The following LRRC49 variants were observed in gnomAD, a reference collection of about 807,000 sequenced individuals.
LRRC49 encodes the protein leucine-rich repeat-containing protein 49.
In LRRC49, 50 loss-of-function variants were observed where a neutral mutation model predicts 83.3. The ratio of observed to expected loss-of-function variants is 0.60; its 90% CI spans 0.48 to 0.76. The LOEUF (loss-of-function observed/expected upper bound fraction) is 0.76, where lower values mean the gene tolerates loss of function less well. Ranked by LOEUF, LRRC49 falls within the 30% of genes least tolerant of loss-of-function variation. The pLI is 0.00. For missense variants in LRRC49, 704 were observed against 809.1 expected, an observed-to-expected ratio of 0.87 and a Z score of 1.58; for synonymous variants, 286 against 283.3, an observed-to-expected ratio of 1.01 and a Z score of -0.10.
At chr15:70,875,288 T>C (rs775134885) in intron 2 of LRRC49, among the ~76,000 whole-genome samples, 1 of 152,094 alleles carries the variant, frequency 6.6e-6, no homozygotes, top group Non-Finnish European at 1.5e-5. Flanking sequence ...AACTATTGAC[T>C]AAAATGAGAG....
chr15:70,935,195 G>C (rs976319769), intron 7 of LRRC49, among the ~76,000 whole-genome samples: 41 of 152,186 alleles, frequency 2.7e-4, no homozygotes, highest in Non-Finnish European at 1.5e-4. Flanking sequence ...CACATCTGTG[G>C]AATAGGCTTC....
At chr15:70,893,515 T>G in intron 1 of LRRC49, 69 bp from the exon 2 acceptor site, 1 of 81,996 alleles carries the variant, frequency 1.2e-5, no homozygotes, top group South Asian at 3.3e-4. Flanking sequence ...TGTTTGTACC[T>G]TTTTTTTTTT....
intron 15 of LRRC49, among the ~76,000 whole-genome samples, chr15:71,039,799 G>T (rs916586920): frequency 2.6e-5 from 4 of 152,128 alleles, no homozygotes; most frequent in African/African-American, 7.2e-5. Flanking sequence ...ATATCGAAAA[G>T]CTGCATTCAA....
At chr15:70,915,536 C>T (rs1430052503) in intron 6 of LRRC49, among the ~76,000 whole-genome samples, 1 of 152,090 alleles carries the variant, frequency 6.6e-6, no homozygotes, top group Admixed American at 6.5e-5. Context: ...TATTGTTTGT[C>T]TTCCATCTCT....
At chr15:70,990,646 C>T (rs2037840448) in intron 11 of LRRC49, among the ~76,000 whole-genome samples, 1 of 152,210 alleles carries the variant, frequency 6.6e-6, no homozygotes, top group Non-Finnish European at 1.5e-5. Flanking sequence ...ACCCACTGTC[C>T]TGCGCCCACT....
intron 14 of LRRC49, among the ~76,000 whole-genome samples, chr15:71,034,824 A>T (rs1362607856): frequency 6.6e-6 from 1 of 152,208 alleles, no homozygotes; most frequent in Non-Finnish European, 1.5e-5. Context: ...GTTCTCACTT[A>T]TAAGTGGGAG....
At chr15:70,899,483 G>A (rs2033978191) in intron 3 of LRRC49, among the ~76,000 whole-genome samples, 1 of 152,018 alleles carries the variant, frequency 6.6e-6, no homozygotes, top group South Asian at 2.1e-4. Context: ...GGTCATGCCA[G>A]AAAATCAGTT....
intron 14 of LRRC49, among the ~76,000 whole-genome samples, chr15:71,033,856 C>T (rs1396939386): frequency 2.0e-5 from 3 of 152,064 alleles, no homozygotes; most frequent in Admixed American, 1.3e-4. Context: ...TGAAACTGGA[C>T]CCCTTCCTTA....
chr15:70,922,438 C>A (rs928052114), intron 7 of LRRC49, among the ~76,000 whole-genome samples: 1 of 152,034 alleles, frequency 6.6e-6, no homozygotes, highest in African/African-American at 2.4e-5. Context: ...AAACACATAT[C>A]GCATGTTCTC....
chr15:71,048,629 A>T, intron 15 of LRRC49: 1 of 378,212 alleles, frequency 2.6e-6, no homozygotes, highest in Non-Finnish European at 5.2e-6. Flanking sequence ...CCTTGATACT[A>T]TTCAGAAGTA....
chr15:71,005,261 T>C (rs762579867), intron 11 of LRRC49, among the ~76,000 whole-genome samples: 5 of 152,118 alleles, frequency 3.3e-5, no homozygotes, highest in South Asian at 2.1e-4. Flanking sequence ...CTTTTTAAAA[T>C]TGACTTTTCC....
At chr15:70,862,757 T>G (rs2032823866) in intron 1 of LRRC49, among the ~76,000 whole-genome samples, 1 of 152,096 alleles carries the variant, frequency 6.6e-6, no homozygotes, top group Admixed American at 6.6e-5. Flanking sequence ...TTCAGGTTCC[T>G]CCCAACAGGT....
intron 14 of LRRC49, among the ~76,000 whole-genome samples, chr15:71,020,074 T>C (rs1213111826): frequency 2.0e-5 from 3 of 152,148 alleles, no homozygotes; most frequent in South Asian, 2.1e-4. Context: ...ATATACAAGA[T>C]AAGCATGAAA....
chr15:70,984,835 T>G (rs1207497470), intron 11 of LRRC49, among the ~76,000 whole-genome samples: 1 of 144,854 alleles, frequency 6.9e-6, no homozygotes, highest in Non-Finnish European at 1.5e-5. Flanking sequence ...TGTGTCCATG[T>G]GTTCTCATTG....
intron 1 of LRRC49, among the ~76,000 whole-genome samples, chr15:70,865,554 G>A (rs1239295365): frequency 6.6e-6 from 1 of 152,158 alleles, no homozygotes; most frequent in Admixed American, 6.5e-5. Context: ...TGATGTTTAT[G>A]TCCTTCTAAT....
At chr15:70,962,838 C>T (rs1241870981) in intron 8 of LRRC49, among the ~76,000 whole-genome samples, 1 of 152,008 alleles carries the variant, frequency 6.6e-6, no homozygotes, top group African/African-American at 2.4e-5. Context: ...ATGGTGACTT[C>T]CTTACAAATA....
At chr15:70,995,025 G>C (rs904255093) in intron 11 of LRRC49, among the ~76,000 whole-genome samples, 1 of 152,158 alleles carries the variant, frequency 6.6e-6, no homozygotes, top group Non-Finnish European at 1.5e-5. Context: ...TAGCCTGAAT[G>C]GTTGAGTGAG....
At chr15:71,037,441 G>C (rs1201929730) in intron 15 of LRRC49, 109 bp downstream of exon 15, 2 of 923,132 alleles carry the variant, frequency 2.2e-6, no homozygotes, top group East Asian at 2.7e-5. Flanking sequence ...TTTTGTTCTG[G>C]AATATTTGTC....
At chr15:70,870,149 T>C (rs1449275903) in intron 1 of LRRC49, among the ~76,000 whole-genome samples, 1 of 152,226 alleles carries the variant, frequency 6.6e-6, no homozygotes, top group Non-Finnish European at 1.5e-5. Context: ...TGTACTAAGC[T>C]AAGAGGATTC....
Sources: gnomAD v4.1 joint callset for allele counts (sites outside exome capture counted in the v4.1 genomes callset) on GRCh38, gnomAD v4.1.1 for gene constraint, MANE v1.5 for transcripts, NCBI Gene and HGNC (gene_info 2026-07-23, HGNC 2026-07-21) for gene names.